The following SMN2 variants were observed in gnomAD, a reference collection of about 807,000 sequenced individuals.
The protein encoded by SMN2 is survival motor neuron protein.
A neutral mutation model predicts 2.8 loss-of-function variants in SMN2; 1 was observed. The observed-to-expected ratio is 0.35, with a 90% CI of 0.13 to 1.68. The LOEUF is 1.68. Ranked by LOEUF, SMN2 falls within the 40% of genes most tolerant of loss-of-function variation. SMN2 has a pLI of 0.35. For missense variants in SMN2, 12 were observed against 16.9 expected, an observed-to-expected ratio of 0.71 and a Z score of 0.51; for synonymous variants, 5 against 5.0, an observed-to-expected ratio of 0.99 and a Z score of 0.01.
At chr5:70,080,270 G>T (rs1774837528), downstream of SMN2, among the ~76,000 whole-genome samples, 1 of 136,442 alleles carries the variant, frequency 7.3e-6, no homozygotes, top group African/African-American at 3.0e-5. Context: ...GGCGGAGGTT[G>T]CAGTGAGCCA....
At chr5:70,084,466 C>T in the SMN2 span, among the ~76,000 whole-genome samples, 355 of 135,118 alleles carry the variant, frequency 2.6e-3, no homozygotes, top group African/African-American at 0.011. Flanking sequence ...GGATTACAGG[C>T]ATGAGCCACC....
chr5:70,079,380 C>T (rs1475413815), downstream of SMN2, among the ~76,000 whole-genome samples: 22 of 141,310 alleles, frequency 1.6e-4, no homozygotes, highest in Admixed American at 1.3e-3. Flanking sequence ...TGTGGTGAGC[C>T]GAGATTGTGC....
In SMN2 at chr5:70,075,109, A is replaced by C. The variant is rs1295282933; in HGVS notation, c.835-1412A>C. ...AATGGTGCAATCTCGGCTCACTGCA[A>C]CCTCCGCCTCCTGGGTTCAAGTGAT... On this transcript the variant is annotated intron_variant, in intron 7 of 8. Coordinates refer to ENST00000380743, the MANE Select transcript of SMN2 (RefSeq NM_017411.4). 5.6e-5 allele frequency among the ~76,000 whole-genome samples: 6 copies of C among 106,544 alleles called. 1 individual carries two copies. Among genetic ancestry groups the C allele is most frequent in the African/African-American group, 8.2e-5 (2 of 24,528 alleles). 69.9% of individuals were successfully genotyped at this position (106,544 alleles called of 152,430 possible).
At chr5:70,085,030 A>C in the SMN2 span, among the ~76,000 whole-genome samples, 1 of 137,076 alleles carries the variant, frequency 7.3e-6, no homozygotes, top group African/African-American at 3.1e-5. Flanking sequence ...CAGTTTATAT[A>C]GTTCTACATT....
At chr5:70,079,781 CAACA>C (rs1408738498), downstream of SMN2, among the ~76,000 whole-genome samples, 2 of 113,328 alleles carry the variant, frequency 1.8e-5, no homozygotes, top group African/African-American at 4.1e-5. Context: ...CAAACCAAAG[CAACA>C]AACAAAAAAC....
At chr5:70,081,973 C>T (rs1295762205), downstream of SMN2, among the ~76,000 whole-genome samples, 1 of 119,038 alleles carries the variant, frequency 8.4e-6, no homozygotes, top group Admixed American at 8.8e-5. Context: ...AGTTTTTGCC[C>T]ATTCAGTATG....
chr5:70,079,338 AGGAG>A, downstream of SMN2, among the ~76,000 whole-genome samples: 1 of 144,214 alleles, frequency 6.9e-6, no homozygotes, highest in East Asian at 2.1e-4. Flanking sequence ...AGGCTGAGGC[AGGAG>A]AATTGCTTGA....
downstream of SMN2, among the ~76,000 whole-genome samples, chr5:70,082,476 G>A (rs1208662767): frequency 7.0e-6 from 1 of 142,572 alleles, no homozygotes; most frequent in Non-Finnish European, 1.5e-5. Context: ...GAATTCGGCT[G>A]TGAATCCATC....
intron 6 of SMN2, among the ~76,000 whole-genome samples, chr5:70,070,127 G>A (rs1376326233): frequency 1.5e-5 from 2 of 129,608 alleles, no homozygotes; most frequent in Non-Finnish European, 3.2e-5. Flanking sequence ...ACTTAAAATC[G>A]CCCTCGAAAT....
rs1256958773 is a variant in SMN2 at position 70,074,933 on chromosome 5, G to A, written c.835-1588G>A. 4.7e-5 allele frequency among the ~76,000 whole-genome samples: 6 copies of A among 126,326 alleles called. 1 individual carries two copies. The highest frequency in any genetic ancestry group is 4.9e-4 in the South Asian group (2 of 4,062). The allele number at this position is 126,326 out of a possible 152,430, so 82.9% of individuals were successfully genotyped here. A position where few individuals can be genotyped will look rare whatever the true frequency, so the allele number is the denominator to read the frequency against. On this transcript the variant is annotated intron_variant, in intron 7 of 8. Coordinates refer to ENST00000380743, the MANE Select transcript of SMN2 (RefSeq NM_017411.4). ...CTTGAACCGAGAAGGCGGAGGTTGC[G>A]GTGAGCCAAGATTGCACCATTGCAC...
rs1332921390 is a variant in SMN2, at chr5:70,076,561, C to A, written c.875C>A (p.Ser292Tyr). The A allele has an allele frequency of 6.8e-7, 1 of 1,463,304 alleles. No homozygotes were observed. Among genetic ancestry groups the A allele is most frequent in the East Asian group, 2.4e-5 (1 of 42,276 alleles). 90.6% of individuals were successfully genotyped at this position (1,463,304 alleles called of 1,614,324 possible). ...QNQKEGRCSH[S>Y]LN ...CAAAAAGAAGGAAGGTGCTCACATT[C>A]CTTAAATTAAGGAGTAAGTCTGCCA... Residue 292 changes from serine to tyrosine, a missense_variant, in exon 8 of 9, where the codon TCC (serine) becomes TAC (tyrosine). Coordinates refer to ENST00000380743, the MANE Select transcript of SMN2 (RefSeq NM_017411.4).
chr5:70,078,024 A>AC (rs1391801592), downstream of SMN2: 2 of 87,626 alleles, frequency 2.3e-5, no homozygotes, highest in Non-Finnish European at 4.2e-5. Flanking sequence ...GCCGTGAGCC[A>AC]CCGCACACGG....
the SMN2 span, among the ~76,000 whole-genome samples, chr5:70,084,750 C>A: frequency 5.1e-5 from 7 of 137,318 alleles, 1 homozygote; most frequent in Non-Finnish European, 1.1e-4. Flanking sequence ...ACCATTTTAA[C>A]TATTTGTTTT....
chr5:70,079,308 T>G (rs1774816972), downstream of SMN2, among the ~76,000 whole-genome samples: 1 of 145,710 alleles, frequency 6.9e-6, no homozygotes, highest in South Asian at 2.1e-4. Context: ...TGGCACGCCC[T>G]GTAGTCCCAG....
chr5:70,074,926 A>G, intron 7 of SMN2, among the ~76,000 whole-genome samples: 2 of 124,668 alleles, frequency 1.6e-5, no homozygotes, highest in East Asian at 2.4e-4. Context: ...GAGAAGGCGG[A>G]GGTTGCGGTG....
At chr5:70,084,782 T>C in the SMN2 span, among the ~76,000 whole-genome samples, 2 of 136,962 alleles carry the variant, frequency 1.5e-5, no homozygotes, top group Non-Finnish European at 3.1e-5. Context: ...TTTTTGCTTA[T>C]AAAATTTTAT....
chr5:70,074,700 G>A lies in SMN2; in HGVS notation c.835-1821G>A, dbSNP rs1238691891. Reference sequence around the variant, plus strand: ...AGGAACATCATTGGACATACTGAAAGAAGAAAAATCAGCTGGGCGCAGTGG... The same window carrying A: ...AGGAACATCATTGGACATACTGAAAAAAGAAAAATCAGCTGGGCGCAGTGG... On this transcript the variant is annotated intron_variant, in intron 7 of 8. Transcript: ENST00000380743. Among the ~76,000 whole-genome samples, 17 of 122,694 alleles carry A rather than the reference G, an allele frequency of 1.4e-4. 4 individuals carry two copies. The highest frequency in any genetic ancestry group is 2.8e-4 in the Non-Finnish European group (16 of 57,710). The allele number at this position is 122,694 out of a possible 152,430, so 80.5% of individuals were successfully genotyped here.
downstream of SMN2, among the ~76,000 whole-genome samples, chr5:70,082,108 C>G (rs1774863832): frequency 7.5e-6 from 1 of 133,974 alleles, no homozygotes; most frequent in South Asian, 2.3e-4. Flanking sequence ...TTTTCTGCAT[C>G]TATTGAGATA....
At chr5:70,079,207 T>C (rs1580736742), downstream of SMN2, among the ~76,000 whole-genome samples, 1 of 130,524 alleles carries the variant, frequency 7.7e-6, no homozygotes, top group African/African-American at 3.3e-5. Context: ...CCGAGGCGGG[T>C]GGATCACCTG....
Sources: gnomAD v4.1 joint callset for allele counts (sites outside exome capture counted in the v4.1 genomes callset) on GRCh38, gnomAD v4.1.1 for gene constraint, MANE v1.5 for transcripts, NCBI Gene and HGNC (gene_info 2026-07-23, HGNC 2026-07-21) for gene names.